Variants in SH3D19 observed in about 807,000 individuals in gnomAD.
The protein encoded by SH3D19 is SH3 domain-containing protein 19.
A neutral mutation model predicts 112.1 loss-of-function variants in SH3D19; 58 were observed. That is an observed-to-expected ratio of 0.52 (90% confidence interval 0.42 to 0.64). The LOEUF (loss-of-function observed/expected upper bound fraction) is 0.64, where lower values mean the gene tolerates loss of function less well. Among genes scored for constraint, SH3D19 ranks in the 30% least tolerant of loss-of-function variants. The pLI is 0.00. For missense variants in SH3D19, 1,090 were observed against 1,263.4 expected (o/e 0.86, Z 2.08); for synonymous variants, 391 against 448.5 (o/e 0.87, Z 1.62).
intron 7 of SH3D19, chr4:151,165,908 C>T: frequency 2.0e-6 from 1 of 489,920 alleles, no homozygotes; most frequent in Non-Finnish European, 3.7e-6. Context: ...GCTTTTCTTC[C>T]TCTCTGATGA....
In SH3D19 at chr4:151,178,243, C is replaced by G. The variant is rs80235664; in HGVS notation, c.236+1112G>C. On this transcript the variant is annotated intron_variant, in intron 4 of 19. Transcript: ENST00000604030. ...TTAAACCTGATTTCCTAACAAACAG[C>G]AACTGTGTGACCCTGAACAAATCAA... Among the ~76,000 whole-genome samples the G allele has an allele frequency of 1.7e-3, 266 of 152,316 alleles. 11 individuals are homozygous for G. The East Asian group carries it at 0.037, about 21-fold the overall frequency.
intron 7 of SH3D19, 140 bp from the exon 8 acceptor site, chr4:151,165,836 A>G: frequency 1.5e-6 from 1 of 658,124 alleles, no homozygotes. Flanking sequence ...GTTTGCAGAG[A>G]CAAAAACAAA....
chr4:151,139,920 A>G (rs1193851583), intron 12 of SH3D19, 73 bp from the exon 13 acceptor site: 1 of 1,277,916 alleles, frequency 7.8e-7, no homozygotes, highest in Non-Finnish European at 1.1e-6. Flanking sequence ...TCTGAGACCA[A>G]TTTTTTTTTT....
intron 1 of SH3D19, among the ~76,000 whole-genome samples, chr4:151,249,152 C>T (rs1219532905): frequency 6.6e-6 from 1 of 152,146 alleles, no homozygotes; most frequent in Non-Finnish European, 1.5e-5. Context: ...TAAAGGTATT[C>T]AAAACACACA....
intron 1 of SH3D19, among the ~76,000 whole-genome samples, chr4:151,301,469 C>T (rs897996716): frequency 1.1e-4 from 16 of 152,154 alleles, no homozygotes; most frequent in Admixed American, 7.2e-4. Context: ...TCAGGTGATC[C>T]GCCCGCCTCA....
intron 1 of SH3D19, chr4:151,282,985 G>A: frequency 1.4e-6 from 1 of 691,874 alleles, no homozygotes; most frequent in Non-Finnish European, 2.4e-6. Flanking sequence ...CCACCCATAA[G>A]CAAATATGAT....
intron 2 of SH3D19, among the ~76,000 whole-genome samples, chr4:151,198,233 A>G (rs1763771534): frequency 6.7e-6 from 1 of 150,118 alleles, no homozygotes; most frequent in Non-Finnish European, 1.5e-5. Flanking sequence ...TGAACCCGAG[A>G]GGTGGAGGTT....
At chr4:151,253,515 C>T (rs1358410180) in intron 1 of SH3D19, among the ~76,000 whole-genome samples, 2 of 152,094 alleles carry the variant, frequency 1.3e-5, no homozygotes, top group African/African-American at 4.8e-5. Context: ...CCTAGGCGGG[C>T]GGATCACGAG....
In SH3D19 at chr4:151,128,324, A is replaced by C; in HGVS notation, c.2775T>G (p.Ala925=). 2 of 1,613,872 alleles carry C rather than the reference A, an allele frequency of 1.2e-6. No individual in the cohort carries two copies. Among genetic ancestry groups the C allele is most frequent in the East Asian group, 4.5e-5 (2 of 44,880 alleles). ...VNSLPAEWCE[A]LHSFTAETSD... ...TGGTCTCTGCTGTAAAACTGTGAAG[A>C]GCTTCACACCATTCTGCCGGAAGAC... Residue 925 remains alanine (A), a synonymous_variant, in exon 18 of 20, where the codon GCT becomes GCG. Transcript: ENST00000604030.
chr4:151,302,652 A>G (rs1728546538), intron 1 of SH3D19, among the ~76,000 whole-genome samples: 2 of 152,230 alleles, frequency 1.3e-5, no homozygotes, highest in South Asian at 4.1e-4. Context: ...TTTATTCACA[A>G]AAACAGTCAG....
At chr4:151,179,462 T>C in intron 3 of SH3D19, 65 bp from the exon 4 acceptor site, 5 of 913,206 alleles carry the variant, frequency 5.5e-6, no homozygotes, top group Non-Finnish European at 7.2e-6. Context: ...TTTAAATTTT[T>C]ACAAAGTACA....
chr4:151,232,987 G>A (rs2149958386), intron 1 of SH3D19, among the ~76,000 whole-genome samples: 1 of 152,316 alleles, frequency 6.6e-6, no homozygotes, highest in Non-Finnish European at 1.5e-5. Flanking sequence ...GGGCCACAGG[G>A]CAGGAAGCAA....
intron 15 of SH3D19, among the ~76,000 whole-genome samples, chr4:151,133,497 G>A (rs1447148663): frequency 6.6e-6 from 1 of 152,120 alleles, no homozygotes; most frequent in African/African-American, 2.4e-5. Flanking sequence ...TGTGTCTTTT[G>A]ATCTTCTTAC....
chr4:151,300,354 T>TTGATTTTCATTTG (rs1728266015), intron 1 of SH3D19, among the ~76,000 whole-genome samples: 1 of 152,088 alleles, frequency 6.6e-6, no homozygotes, highest in Non-Finnish European at 1.5e-5. Context: ...TGTTTGAGTC[T>TTGATTTTCATTTG]CTACAAATGA....
chr4:151,284,022 C>T (rs1169508216), intron 1 of SH3D19, among the ~76,000 whole-genome samples: 2 of 152,106 alleles, frequency 1.3e-5, no homozygotes, highest in East Asian at 3.9e-4. Context: ...TGATTGTCAG[C>T]AGTTTGAATA....
chr4:151,254,259 T>C (rs1210395373), intron 1 of SH3D19, among the ~76,000 whole-genome samples: 2 of 152,074 alleles, frequency 1.3e-5, no homozygotes, highest in Non-Finnish European at 2.9e-5. Flanking sequence ...AGTCACTTTG[T>C]AAACCAAAAG....
At chr4:151,189,264 C>T (rs1231456676) in intron 2 of SH3D19, among the ~76,000 whole-genome samples, 1 of 152,104 alleles carries the variant, frequency 6.6e-6, no homozygotes, top group Non-Finnish European at 1.5e-5. Flanking sequence ...CAGGCACCCA[C>T]CACCATGCCC....
At chr4:151,230,402 G>T (rs1769517728) in intron 1 of SH3D19, among the ~76,000 whole-genome samples, 1 of 152,178 alleles carries the variant, frequency 6.6e-6, no homozygotes. Flanking sequence ...AGACATTCAG[G>T]CTTTGATGAT....
chr4:151,147,161 T>C (rs1431977682), intron 11 of SH3D19, among the ~76,000 whole-genome samples: 3 of 152,156 alleles, frequency 2.0e-5, no homozygotes, highest in East Asian at 3.9e-4. Flanking sequence ...AGCAGGAGGA[T>C]CCCTGAGCTC....
Sources: gnomAD v4.1 joint callset for allele counts (sites outside exome capture counted in the v4.1 genomes callset) on GRCh38, gnomAD v4.1.1 for gene constraint, MANE v1.5 for transcripts, NCBI Gene and HGNC (gene_info 2026-07-23, HGNC 2026-07-21) for gene names.